VPS13C: variants seen among roughly 807,000 people sequenced by gnomAD.
VPS13C encodes vacuolar protein sorting 13 homolog C, also known as intermembrane lipid transfer protein VPS13C.
In VPS13C, 358 loss-of-function variants were observed where a neutral mutation model predicts 456.8. The ratio of observed to expected loss-of-function variants is 0.78; its 90% CI spans 0.72 to 0.86. VPS13C has a LOEUF of 0.86. Ranked by LOEUF, VPS13C falls within the 40% of genes least tolerant of loss-of-function variation. The probability of loss-of-function intolerance (pLI) is 0.00; values close to 1 mark genes in which losing one functional copy is unlikely to be tolerated. For synonymous variants in VPS13C, 1,578 were observed against 1,486.7 expected, an observed-to-expected ratio of 1.06 and a Z score of -1.41; for missense variants, 4,818 against 4,385.4, an observed-to-expected ratio of 1.10 and a Z score of -2.79.
chr15:61,936,852 C>T, intron 47 of VPS13C, 102 bp from the exon 48 acceptor site: 1 of 1,221,020 alleles, frequency 8.2e-7, no homozygotes, highest in Admixed American at 2.6e-5. Context: ...TGTTCACCTA[C>T]TTAAAAAGAA....
At position 61,863,509 on chromosome 15, in the gene VPS13C, T is replaced by C. The variant is rs745735873; in HGVS notation, c.10883A>G (p.Glu3628Gly). Residue 3628 changes from glutamate to glycine, a missense_variant, in exon 82 of 85, where the codon GAA becomes GGA. Transcript: ENST00000644861. ...ACAGTGGTATCGGTAAGTCTCTCCT[T>C]CCAACTTTTTGATATGATTCTGAAA... ...DLLENHIKKL[E>G]GETYRYHCAI... 6 of 1,612,602 alleles carry C rather than the reference T, an allele frequency of 3.7e-6. No individual in the cohort carries two copies. The Admixed American group carries it at 8.3e-5, about 22-fold the overall frequency.
At chr15:61,952,950 C>A (rs2044853681) in intron 38 of VPS13C, among the ~76,000 whole-genome samples, 1 of 151,944 alleles carries the variant, frequency 6.6e-6, no homozygotes, top group Non-Finnish European at 1.5e-5. Flanking sequence ...TCTCAAATAC[C>A]TGAACTCAAG....
intron 51 of VPS13C, among the ~76,000 whole-genome samples, chr15:61,928,704 G>A (rs908895740): frequency 4.6e-5 from 7 of 151,894 alleles, no homozygotes; most frequent in Non-Finnish European, 7.4e-5. Context: ...ACATGGCGAA[G>A]CCCCATGTTT....
rs1418258452 is a variant in VPS13C, at chr15:61,917,520, G to A, written c.7876C>T (p.Gln2626Ter). The A allele has an allele frequency of 1.9e-6, 3 of 1,614,002 alleles. No individual in the cohort carries two copies. The highest frequency in any genetic ancestry group is 1.7e-6 in the Non-Finnish European group (2 of 1,179,910). ...AAGCTGACTTCTACTGATGGACACT[G>A]CAACATGCATCTGACTTCCCTGCTC... ...HRSREVRCMLQCPSVEVSFLP... is the reference protein window; with the variant it reads ...HRSREVRCML Residue 2626 changes from glutamine to a stop codon, truncating the protein, a stop_gained, in exon 60 of 85, where the codon CAG becomes TAG. Transcript: ENST00000644861. LOFTEE classifies it high-confidence loss of function.
chr15:61,967,683 G>A (rs982519553), intron 28 of VPS13C, among the ~76,000 whole-genome samples: 1 of 151,722 alleles, frequency 6.6e-6, no homozygotes, highest in African/African-American at 2.4e-5. Flanking sequence ...TGATTTCACA[G>A]GTGACTTCTA....
intron 2 of VPS13C, among the ~76,000 whole-genome samples, chr15:62,042,757 T>C (rs914507648): frequency 3.3e-5 from 5 of 151,976 alleles, no homozygotes; most frequent in East Asian, 3.9e-4. Context: ...GGAGCTACTT[T>C]GAATAAAAAA....
intron 82 of VPS13C, among the ~76,000 whole-genome samples, chr15:61,860,836 G>T (rs917883630): frequency 6.6e-6 from 1 of 151,716 alleles, no homozygotes; most frequent in African/African-American, 2.4e-5. Context: ...ATTCAAACCA[G>T]GATGTTTTTA....
chr15:61,940,879 A>T lies in VPS13C; in HGVS notation c.5454-85T>A, dbSNP rs1002606073. On this transcript the variant is annotated intron_variant, in intron 46 of 84. Transcript: ENST00000644861. ...TCCTATTGTGTAACAGTTTCCACAC[A>T]GCATTTCATAAAGGCTAAAAGCTGC... The T allele has an allele frequency of 2.2e-6, 3 of 1,349,468 alleles. No individual in the cohort carries two copies. In the Admixed American group the frequency reaches 7.5e-5, roughly 34 times the overall value. 83.6% of individuals were successfully genotyped at this position (1,349,468 alleles called of 1,614,324 possible).
At chr15:62,053,695 C>G (rs1037341055) in intron 1 of VPS13C, among the ~76,000 whole-genome samples, 5 of 152,190 alleles carry the variant, frequency 3.3e-5, no homozygotes, top group African/African-American at 1.2e-4. Context: ...AAAAGCCACA[C>G]AACTAGACAG....
intron 36 of VPS13C, 40 bp downstream of exon 36, chr15:61,959,408 A>C (rs916593443): frequency 6.6e-7 from 1 of 1,511,598 alleles, no homozygotes; most frequent in Non-Finnish European, 8.9e-7. Flanking sequence ...TGGAGTTTAA[A>C]ATTTCAACAA....
intron 80 of VPS13C, among the ~76,000 whole-genome samples, chr15:61,869,110 TTTTTTC>T (rs1164195901): frequency 1.9e-5 from 2 of 107,882 alleles, no homozygotes; most frequent in East Asian, 4.8e-4. Flanking sequence ...TTTTCTTTTC[TTTTTTC>T]TTTTTTTTTT....
chr15:61,955,484 T>C (rs1475128495), intron 37 of VPS13C, among the ~76,000 whole-genome samples: 2 of 152,162 alleles, frequency 1.3e-5, no homozygotes, highest in African/African-American at 2.4e-5. Flanking sequence ...AACCATGTAG[T>C]GTAAGCTACA....
At chr15:62,058,638 G>A (rs2048881943) in intron 1 of VPS13C, among the ~76,000 whole-genome samples, 1 of 152,038 alleles carries the variant, frequency 6.6e-6, no homozygotes, top group African/African-American at 2.4e-5. Flanking sequence ...TAAGGGACTT[G>A]AGCAACCTCC....
chr15:62,002,287 T>C (rs1475064141), intron 15 of VPS13C, among the ~76,000 whole-genome samples: 1 of 152,250 alleles, frequency 6.6e-6, no homozygotes, highest in Admixed American at 6.5e-5. Flanking sequence ...GAGCATTTTT[T>C]CATGTGTTTT....
At chr15:61,901,951 T>G (rs1389085427) in intron 66 of VPS13C, among the ~76,000 whole-genome samples, 1 of 152,086 alleles carries the variant, frequency 6.6e-6, no homozygotes, top group African/African-American at 2.4e-5. Context: ...GATGAGTTCA[T>G]GTCCTTTGTA....
At chr15:61,952,059 C>T in intron 38 of VPS13C, 79 bp from the exon 39 acceptor site, 1 of 1,480,936 alleles carries the variant, frequency 6.8e-7, no homozygotes, top group African/African-American at 1.4e-5. Flanking sequence ...AATAAGTATC[C>T]AGAGTGATAT....
At position 62,010,614 on chromosome 15, in the gene VPS13C, G is replaced by A; in HGVS notation, c.884-15C>T. On this transcript the variant is annotated splice_polypyrimidine_tract_variant and intron_variant, in intron 12 of 84. Transcript: ENST00000644861. ...TGGCTGGAAAACTTACATCACATGG[G>A]AAGACATAAGATATGTTCATATGCT... is the stretch of plus-strand genomic sequence containing the variant. 6.2e-7 allele frequency: 1 copy of A among 1,605,432 alleles called. No individual in the cohort carries two copies. The highest frequency in any genetic ancestry group is 8.5e-7 in the Non-Finnish European group (1 of 1,176,476).
At chr15:61,970,964 A>G (rs918762088) in intron 27 of VPS13C, among the ~76,000 whole-genome samples, 2 of 152,164 alleles carry the variant, frequency 1.3e-5, no homozygotes, top group Non-Finnish European at 2.9e-5. Flanking sequence ...AAGGAAAAAC[A>G]TAAGACAAGT....
intron 78 of VPS13C, among the ~76,000 whole-genome samples, chr15:61,873,013 C>T (rs892928663): frequency 2.6e-5 from 4 of 152,038 alleles, no homozygotes; most frequent in African/African-American, 9.7e-5. Context: ...GCCTTCTACA[C>T]CAGTACTACC....
Sources: gnomAD v4.1 joint callset for allele counts (sites outside exome capture counted in the v4.1 genomes callset) on GRCh38, gnomAD v4.1.1 for gene constraint, MANE v1.5 for transcripts, NCBI Gene and HGNC (gene_info 2026-07-23, HGNC 2026-07-21) for gene names.